KCNH5: variants seen among roughly 807,000 people sequenced by gnomAD.
KCNH5 encodes the protein potassium voltage-gated channel subfamily H member 5.
In KCNH5, 46 loss-of-function variants were observed where a neutral mutation model predicts 96.1. That is an observed-to-expected ratio of 0.48 (90% CI 0.38 to 0.61). The LOEUF is 0.61. KCNH5 is among the 20% of genes least tolerant of loss of function. KCNH5 has a pLI of 0.00. For synonymous variants in KCNH5, 439 were observed against 449.8 expected (o/e 0.98, Z 0.30); for missense variants, 907 against 1,225.8 (o/e 0.74, Z 3.88).
chr14:63,012,527 T>A (rs1046783297), intron 2 of KCNH5, among the ~76,000 whole-genome samples: 1 of 152,146 alleles, frequency 6.6e-6, no homozygotes, highest in Non-Finnish European at 1.5e-5. Flanking sequence ...AAACTCTGCA[T>A]ATATTCTATT....
In KCNH5 at chr14:62,916,905, T is replaced by C. The variant is rs571782006; in HGVS notation, c.1369+33228A>G. Among the ~76,000 whole-genome samples the C allele has an allele frequency of 7.2e-5, 11 of 152,312 alleles. No homozygotes were observed. The East Asian group carries it at 1.9e-3, about 27-fold the overall frequency. On this transcript the variant is annotated intron_variant, in intron 7 of 10. Transcript: ENST00000322893. Reference sequence around the variant, plus strand: ...AAAGTTAAAAATAGCAGAGCCCACATTGTATACCAAGGCAATTTTTTAACA... The same window carrying C: ...AAAGTTAAAAATAGCAGAGCCCACACTGTATACCAAGGCAATTTTTTAACA...
chr14:62,775,233 ATT>A (rs1035917864), intron 10 of KCNH5, among the ~76,000 whole-genome samples: 3 of 152,214 alleles, frequency 2.0e-5, no homozygotes, highest in Non-Finnish European at 2.9e-5. Context: ...ATAAAATAAA[ATT>A]TGTTTTCATC....
chr14:62,855,477 T>C (rs1484341873), intron 7 of KCNH5, among the ~76,000 whole-genome samples: 5 of 152,328 alleles, frequency 3.3e-5, no homozygotes, highest in African/African-American at 1.2e-4. Flanking sequence ...AAATAAGTCA[T>C]ACCCTCATAG....
intron 4 of KCNH5, 62 bp downstream of exon 4, chr14:63,001,269 C>T (rs2139591033): frequency 6.8e-7 from 1 of 1,463,636 alleles, no homozygotes; most frequent in South Asian, 1.4e-5. Context: ...AGAGGTAAAA[C>T]AGTAAGAAGA....
At chr14:62,864,078 CAAAATTCCTAGAAACATGACT>C in intron 7 of KCNH5, among the ~76,000 whole-genome samples, 1 of 152,174 alleles carries the variant, frequency 6.6e-6, no homozygotes, top group East Asian at 1.9e-4. Context: ...GACCAAGAGG[CAAAATTCCTAGAAACATGACT>C]AAGGGGATGC....
intron 1 of KCNH5, among the ~76,000 whole-genome samples, chr14:63,034,121 T>C (rs1400568860): frequency 1.3e-5 from 2 of 152,062 alleles, no homozygotes; most frequent in African/African-American, 4.8e-5. Context: ...GGTTTTACCA[T>C]GTTGGTCAGG....
intron 1 of KCNH5, among the ~76,000 whole-genome samples, chr14:63,024,138 G>C (rs1891480187): frequency 6.6e-6 from 1 of 151,788 alleles, no homozygotes; most frequent in South Asian, 2.1e-4. Context: ...GAACCCGGGA[G>C]GTAGAAGTTG....
chr14:62,781,631 T>C (rs1165601507), intron 9 of KCNH5, among the ~76,000 whole-genome samples: 1 of 152,216 alleles, frequency 6.6e-6, no homozygotes, highest in Admixed American at 6.5e-5. Context: ...AATTCAGTGA[T>C]ATTTCTCCCA....
chr14:62,885,264 G>T (rs955696823), intron 7 of KCNH5, among the ~76,000 whole-genome samples: 1 of 152,086 alleles, frequency 6.6e-6, no homozygotes, highest in African/African-American at 2.4e-5. Flanking sequence ...TCCTCTTGGG[G>T]TGATGTGACA....
intron 7 of KCNH5, among the ~76,000 whole-genome samples, chr14:62,906,747 C>G (rs989243219): frequency 1.3e-5 from 2 of 152,016 alleles, no homozygotes; most frequent in Admixed American, 6.6e-5. Context: ...TTAAACATAA[C>G]AAAACTTTTT....
intron 8 of KCNH5, among the ~76,000 whole-genome samples, chr14:62,815,741 T>A (rs74058707): frequency 0.016 from 2,451 of 152,088 alleles, 51 homozygotes; most frequent in African/African-American, 0.056. Context: ...AAATTAGAGA[T>A]GCCAAATAAA....
chr14:63,003,608 TTA>T (rs561686892), intron 3 of KCNH5, among the ~76,000 whole-genome samples: 11,071 of 115,152 alleles, frequency 0.096, 748 homozygotes, highest in East Asian at 0.34. Flanking sequence ...ATATTTATAT[TTA>T]TATATATATA....
chr14:62,853,726 T>C (rs1324596659), intron 7 of KCNH5, among the ~76,000 whole-genome samples: 1 of 151,586 alleles, frequency 6.6e-6, no homozygotes, highest in African/African-American at 2.4e-5. Context: ...ACCTGACTCA[T>C]CGGCTGGGTG....
At chr14:62,982,150 G>A (rs1890621110) in intron 5 of KCNH5, among the ~76,000 whole-genome samples, 1 of 152,176 alleles carries the variant, frequency 6.6e-6, no homozygotes, top group Admixed American at 6.5e-5. Flanking sequence ...CCAACATGGT[G>A]AAACGCTGTC....
intron 7 of KCNH5, among the ~76,000 whole-genome samples, chr14:62,869,294 C>T (rs112322057): frequency 0.05 from 7,641 of 151,854 alleles, 640 homozygotes; most frequent in African/African-American, 0.17. Context: ...CCAGTGATGA[C>T]TAGCTTTTTT....
intron 7 of KCNH5, among the ~76,000 whole-genome samples, chr14:62,900,953 G>C (rs1396677832): frequency 1.3e-5 from 2 of 152,064 alleles, no homozygotes; most frequent in African/African-American, 2.4e-5. Flanking sequence ...TTGCTTTACA[G>C]GATAGTATAC....
chr14:62,817,084 ATT>A (rs1886995288), intron 8 of KCNH5, among the ~76,000 whole-genome samples: 1 of 137,728 alleles, frequency 7.3e-6, no homozygotes. Flanking sequence ...CTATATATAT[ATT>A]ATATATTATA....
chr14:62,959,822 T>A (rs1367080346), intron 6 of KCNH5, among the ~76,000 whole-genome samples: 1 of 152,140 alleles, frequency 6.6e-6, no homozygotes, highest in Non-Finnish European at 1.5e-5. Flanking sequence ...CCACCTCCAC[T>A]GTCATCACCT....
chr14:62,856,899 G>T (rs1007268466), intron 7 of KCNH5, among the ~76,000 whole-genome samples: 1 of 151,830 alleles, frequency 6.6e-6, no homozygotes, highest in Non-Finnish European at 1.5e-5. Flanking sequence ...ACTATTTGAC[G>T]CATTTTCCCT....
Sources: allele counts gnomAD v4.1 joint callset (sites outside exome capture counted in the v4.1 genomes callset), GRCh38; gene constraint gnomAD v4.1.1; transcripts MANE v1.5; gene names NCBI Gene and HGNC (gene_info 2026-07-23, HGNC 2026-07-21).